MACROD2: variants seen among roughly 807,000 people sequenced by gnomAD.
The protein encoded by MACROD2 is ADP-ribose glycohydrolase MACROD2.
A neutral mutation model predicts 70.4 loss-of-function variants in MACROD2; 36 were observed. That is an observed-to-expected ratio of 0.51 (90% CI 0.39 to 0.68). The LOEUF (loss-of-function observed/expected upper bound fraction) is 0.68, where lower values mean the gene tolerates loss of function less well. MACROD2 is among the 30% of genes least tolerant of loss of function. The pLI is 0.00. For missense variants in MACROD2, 496 were observed against 538.4 expected (o/e 0.92, Z 0.78); for synonymous variants, 172 against 178.8 (o/e 0.96, Z 0.30).
intron 2 of MACROD2, among the ~76,000 whole-genome samples, chr20:14,012,889 C>A (rs967711310): frequency 6.6e-6 from 1 of 152,192 alleles, no homozygotes; most frequent in Non-Finnish European, 1.5e-5. Flanking sequence ...TACAGTAGTA[C>A]AGTATGTACT....
chr20:14,641,032 A>G (rs527565861), intron 4 of MACROD2, among the ~76,000 whole-genome samples: 1 of 152,374 alleles, frequency 6.6e-6, no homozygotes, highest in Non-Finnish European at 1.5e-5. Context: ...TTTTACTCAC[A>G]GTAGAACTTC....
chr20:14,869,331 A>G (rs1474995472), intron 5 of MACROD2, among the ~76,000 whole-genome samples: 1 of 152,140 alleles, frequency 6.6e-6, no homozygotes, highest in Admixed American at 6.6e-5. Context: ...ACTTCTCTAG[A>G]GTTTAAGTTG....
chr20:14,654,500 C>T (rs150281065), intron 4 of MACROD2, among the ~76,000 whole-genome samples: 291 of 149,046 alleles, frequency 2.0e-3, no homozygotes, highest in African/African-American at 6.8e-3. Context: ...GAGCCAAAAT[C>T]GTGCCTTTGC....
chr20:15,401,841 T>C (rs574168022), intron 6 of MACROD2, among the ~76,000 whole-genome samples: 2 of 152,288 alleles, frequency 1.3e-5, no homozygotes, highest in South Asian at 2.1e-4. Context: ...GATGGAGACC[T>C]TGGGGGAATG....
chr20:15,228,487 C>CTTTTTTT (rs527508760), intron 5 of MACROD2, among the ~76,000 whole-genome samples: 72 of 117,972 alleles, frequency 6.1e-4, no homozygotes, highest in Non-Finnish European at 8.0e-4. Flanking sequence ...TTCCTTCTTT[C>CTTTTTTT]TTTTTTTTTT....
intron 5 of MACROD2, among the ~76,000 whole-genome samples, chr20:15,227,823 GTTTTTTTTTTT>G (rs59129207): frequency 1.7e-4 from 8 of 46,108 alleles, no homozygotes; most frequent in African/African-American, 3.9e-4. Context: ...AATTTCACCT[GTTTTTTTTTTT>G]TTTTTTTTTT....
intron 4 of MACROD2, among the ~76,000 whole-genome samples, chr20:14,543,895 TA>T (rs1366634274): frequency 6.6e-6 from 1 of 152,168 alleles, no homozygotes; most frequent in Non-Finnish European, 1.5e-5. Flanking sequence ...GATGAAGTCT[TA>T]TCAAAAAGAA....
At chr20:14,592,615 G>T (rs948545091) in intron 4 of MACROD2, among the ~76,000 whole-genome samples, 1 of 152,010 alleles carries the variant, frequency 6.6e-6, no homozygotes, top group South Asian at 2.1e-4. Flanking sequence ...TTTTTGTAGC[G>T]ACAGGGCCTT....
At chr20:15,329,247 A>G (rs1045980679) in intron 6 of MACROD2, among the ~76,000 whole-genome samples, 4 of 152,124 alleles carry the variant, frequency 2.6e-5, no homozygotes, top group Non-Finnish European at 5.9e-5. Flanking sequence ...CTTAGAGACA[A>G]TCCCAAGGTC....
intron 4 of MACROD2, among the ~76,000 whole-genome samples, chr20:14,577,380 C>T (rs899063625): frequency 6.6e-6 from 1 of 152,048 alleles, no homozygotes; most frequent in Non-Finnish European, 1.5e-5. Flanking sequence ...TCTTGTAAAG[C>T]GTATATTTCA....
At chr20:14,768,832 A>G (rs1015982134) in intron 5 of MACROD2, among the ~76,000 whole-genome samples, 4 of 152,126 alleles carry the variant, frequency 2.6e-5, no homozygotes, top group Non-Finnish European at 4.4e-5. Context: ...TCCTGAGTGA[A>G]CAGCCATAAA....
At chr20:15,023,227 C>CA (rs1381114447) in intron 5 of MACROD2, among the ~76,000 whole-genome samples, 4 of 152,132 alleles carry the variant, frequency 2.6e-5, no homozygotes, top group Admixed American at 1.3e-4. Flanking sequence ...TCCCAAGAAA[C>CA]ACTTAGAGCC....
chr20:14,372,735 C>T (rs2083337668), intron 3 of MACROD2, among the ~76,000 whole-genome samples: 1 of 152,102 alleles, frequency 6.6e-6, no homozygotes, highest in Non-Finnish European at 1.5e-5. Flanking sequence ...GAGAGTTCCA[C>T]TAGGCATTTC....
intron 8 of MACROD2, among the ~76,000 whole-genome samples, chr20:15,789,023 T>G (rs2147052653): frequency 6.6e-6 from 1 of 152,370 alleles, no homozygotes; most frequent in South Asian, 2.1e-4. Context: ...TAAATGCAGC[T>G]ACTTCTTCCC....
chr20:15,470,040 TTTTTA>T (rs746031232), intron 7 of MACROD2, among the ~76,000 whole-genome samples: 4 of 152,072 alleles, frequency 2.6e-5, no homozygotes, highest in Admixed American at 6.6e-5. Context: ...TTCTGTACCA[TTTTTA>T]TTTTATTTTA....
chr20:14,502,412 G>A (rs559869577), intron 4 of MACROD2, among the ~76,000 whole-genome samples: 33 of 152,042 alleles, frequency 2.2e-4, no homozygotes, highest in Non-Finnish European at 4.3e-4. Context: ...TGGGTCCCTC[G>A]GGTTACATGA....
At chr20:14,470,527 G>C (rs549788433) in intron 3 of MACROD2, among the ~76,000 whole-genome samples, 1 of 152,222 alleles carries the variant, frequency 6.6e-6, no homozygotes, top group Admixed American at 6.5e-5. Context: ...GACCATAGCC[G>C]CCCCTACCCC....
intron 3 of MACROD2, among the ~76,000 whole-genome samples, chr20:14,361,881 GT>G (rs1440625836): frequency 6.6e-6 from 1 of 152,146 alleles, no homozygotes; most frequent in Non-Finnish European, 1.5e-5. Context: ...GGCTTTTTCT[GT>G]TTTGCCCATA....
intron 8 of MACROD2, among the ~76,000 whole-genome samples, chr20:15,655,562 C>T (rs1412287413): frequency 6.6e-6 from 1 of 152,114 alleles, no homozygotes; most frequent in East Asian, 1.9e-4. Context: ...AATTCACAGC[C>T]TGCCTTGCAC....
Sources: allele counts gnomAD v4.1 joint callset (sites outside exome capture counted in the v4.1 genomes callset), GRCh38; gene constraint gnomAD v4.1.1; transcripts MANE v1.5; gene names NCBI Gene and HGNC (gene_info 2026-07-23, HGNC 2026-07-21).